The following EYA1 variants were observed in gnomAD, a reference collection of about 807,000 sequenced individuals.
The protein encoded by EYA1 is EYA transcriptional coactivator and phosphatase 1.
In EYA1, 16 loss-of-function variants were observed where a neutral mutation model predicts 82.0. The ratio of observed to expected loss-of-function variants is 0.20; its 90% CI spans 0.13 to 0.30. The LOEUF is 0.30. Among genes scored for constraint, EYA1 ranks in the 10% least tolerant of loss-of-function variants. EYA1 has a pLI of 1.00. For synonymous variants in EYA1, 261 were observed against 264.4 expected, an observed-to-expected ratio of 0.99 and a Z score of 0.12; for missense variants, 633 against 730.7, an observed-to-expected ratio of 0.87 and a Z score of 1.54.
intron 2 of EYA1, among the ~76,000 whole-genome samples, chr8:71,406,464 G>C (rs527464489): frequency 6.6e-6 from 1 of 152,166 alleles, no homozygotes; most frequent in African/African-American, 2.4e-5. Context: ...CTGAGGTACC[G>C]GGTTCATCTC....
intron 2 of EYA1, among the ~76,000 whole-genome samples, chr8:71,407,173 A>G (rs1586653851): frequency 7.0e-6 from 1 of 142,002 alleles, no homozygotes; most frequent in East Asian, 2.0e-4. Flanking sequence ...CCTGTCTGTT[A>G]GAAGGAAAAC....
intron 12 of EYA1, among the ~76,000 whole-genome samples, chr8:71,218,928 G>A (rs1476348764): frequency 3.3e-5 from 5 of 152,044 alleles, no homozygotes; most frequent in African/African-American, 1.2e-4. Context: ...AGTAGAAGAG[G>A]AAAATGTATG....
intron 2 of EYA1, among the ~76,000 whole-genome samples, chr8:71,421,381 G>T (rs1192161284): frequency 6.6e-6 from 1 of 152,134 alleles, no homozygotes; most frequent in African/African-American, 2.4e-5. Flanking sequence ...GAAACTGAAG[G>T]CCAAGAAAAG....
intron 2 of EYA1, among the ~76,000 whole-genome samples, chr8:71,493,768 A>G (rs866538725): frequency 1.8e-4 from 28 of 151,652 alleles, no homozygotes; most frequent in Middle Eastern, 3.4e-3. Context: ...TCACGCCTGT[A>G]ATCCCAGCAC....
chr8:71,401,037 C>G (rs1386865137), intron 2 of EYA1, among the ~76,000 whole-genome samples: 1 of 152,140 alleles, frequency 6.6e-6, no homozygotes, highest in Non-Finnish European at 1.5e-5. Context: ...AACGCAGGAA[C>G]AGAAAACCAA....
At chr8:71,329,622 G>A (rs904738818) in intron 4 of EYA1, among the ~76,000 whole-genome samples, 1 of 152,094 alleles carries the variant, frequency 6.6e-6, no homozygotes, top group Non-Finnish European at 1.5e-5. Context: ...TCACTTCGGA[G>A]GAAAAAGTAG....
intron 12 of EYA1, among the ~76,000 whole-genome samples, chr8:71,236,192 C>T (rs932109678): frequency 1.7e-4 from 26 of 152,234 alleles, no homozygotes; most frequent in African/African-American, 4.8e-4. Flanking sequence ...CACGCCATCA[C>T]GCCCAGCTAA....
intron 9 of EYA1, among the ~76,000 whole-genome samples, chr8:71,287,488 A>G (rs975433940): frequency 6.6e-5 from 10 of 152,220 alleles, no homozygotes; most frequent in Non-Finnish European, 1.2e-4. Flanking sequence ...TAGTAACTCA[A>G]TTAAGACAGC....
chr8:71,347,426 C>A (rs921085493), intron 3 of EYA1, among the ~76,000 whole-genome samples: 7 of 152,056 alleles, frequency 4.6e-5, no homozygotes, highest in Non-Finnish European at 4.4e-5. Context: ...GGGTTCACAC[C>A]ATTCTCCTGC....
chr8:71,474,976 A>C (rs1243350570), intron 2 of EYA1, among the ~76,000 whole-genome samples: 1 of 152,150 alleles, frequency 6.6e-6, no homozygotes, highest in Admixed American at 6.5e-5. Context: ...TACTAAAAAT[A>C]CAAAAATTAG....
chr8:71,343,433 A>C (rs1825369231), intron 3 of EYA1, among the ~76,000 whole-genome samples: 1 of 152,334 alleles, frequency 6.6e-6, no homozygotes, highest in Non-Finnish European at 1.5e-5. Flanking sequence ...TCACGAATGT[A>C]TTAATCCATT....
intron 4 of EYA1, 187 bp from the exon 5 acceptor site, chr8:71,322,455 A>T (rs1822682030): frequency 3.2e-6 from 2 of 616,014 alleles, no homozygotes; most frequent in Non-Finnish European, 5.8e-6. Flanking sequence ...TATAAAGAGG[A>T]ATGAATAGAA....
At chr8:71,322,092 C>A (rs1479697388) in intron 5 of EYA1, 107 bp downstream of exon 5, 2 of 1,142,946 alleles carry the variant, frequency 1.7e-6, no homozygotes, top group Admixed American at 1.8e-5. Context: ...CTATGAAATG[C>A]ACTTTCATTT....
chr8:71,492,666 T>C (rs1414889226), intron 2 of EYA1, among the ~76,000 whole-genome samples: 4 of 152,112 alleles, frequency 2.6e-5, no homozygotes, highest in African/African-American at 9.6e-5. Context: ...GGGGTTTCAC[T>C]GTGTTAGCCA....
At chr8:71,444,950 A>G (rs1806751213) in intron 2 of EYA1, among the ~76,000 whole-genome samples, 1 of 152,226 alleles carries the variant, frequency 6.6e-6, no homozygotes, top group African/African-American at 2.4e-5. Context: ...ACAGCTAGAG[A>G]TGTTAATTCA....
At chr8:71,260,964 A>G (rs1054912187) in intron 11 of EYA1, among the ~76,000 whole-genome samples, 2 of 152,168 alleles carry the variant, frequency 1.3e-5, no homozygotes, top group East Asian at 1.9e-4. Flanking sequence ...CCTGAATGTC[A>G]TTTAAAAATT....
chr8:71,292,554 T>C (rs1414017328), intron 9 of EYA1, among the ~76,000 whole-genome samples: 1 of 152,040 alleles, frequency 6.6e-6, no homozygotes, highest in Non-Finnish European at 1.5e-5. Flanking sequence ...ACACATATCT[T>C]CTAATAAGAG....
At chr8:71,234,812 G>A (rs28377902) in intron 12 of EYA1, among the ~76,000 whole-genome samples, 6,971 of 151,956 alleles carry the variant, frequency 0.046, 526 homozygotes, top group African/African-American at 0.16. Flanking sequence ...ATCCAAACCT[G>A]TATGTCTACC....
intron 17 of EYA1, among the ~76,000 whole-genome samples, chr8:71,200,933 G>A (rs1027572055): frequency 1.3e-5 from 2 of 149,190 alleles, no homozygotes; most frequent in Admixed American, 1.3e-4. Context: ...AACTAGTTAT[G>A]AAAGATTAAC....
Sources: gnomAD v4.1 joint callset for allele counts (sites outside exome capture counted in the v4.1 genomes callset) on GRCh38, gnomAD v4.1.1 for gene constraint, MANE v1.5 for transcripts, NCBI Gene and HGNC (gene_info 2026-07-23, HGNC 2026-07-21) for gene names.